Variants in SPATA6L observed in about 807,000 individuals in gnomAD.
SPATA6L encodes the protein spermatogenesis associated 6 like, also known as spermatogenesis associated 6-like protein.
A neutral mutation model predicts 49.2 loss-of-function variants in SPATA6L; 68 were observed. The observed-to-expected ratio is 1.38, with a 90% CI of 1.14 to 1.69. The LOEUF (loss-of-function observed/expected upper bound fraction) is 1.69. SPATA6L is among the 40% of genes most tolerant of loss of function. The pLI, the probability that SPATA6L is intolerant of heterozygous loss-of-function variation, is 0.00. For synonymous variants in SPATA6L, 198 were observed against 165.7 expected (o/e 1.19, Z -1.50); for missense variants, 668 against 464.3 (o/e 1.44, Z -4.03).
chr9:4,629,769 G>GTGTGTGTGTGTGTATATATATATATATA (rs1311805859), intron 4 of SPATA6L, among the ~76,000 whole-genome samples: 42 of 101,896 alleles, frequency 4.1e-4, no homozygotes, highest in African/African-American at 2.0e-3. Flanking sequence ...GTGTGTGTGT[G>GTGTGTGTGTGTGTATATATATATATATA]TATATATATA....
chr9:4,658,606 A>T (rs1270042402), intron 2 of SPATA6L, among the ~76,000 whole-genome samples: 2 of 152,096 alleles, frequency 1.3e-5, no homozygotes. Flanking sequence ...ACTCAGGCTC[A>T]CTCTTCTCTT....
At chr9:4,593,626 C>G (rs572123536), downstream of SPATA6L, among the ~76,000 whole-genome samples, 1 of 152,326 alleles carries the variant, frequency 6.6e-6, no homozygotes, top group Admixed American at 6.5e-5. Context: ...GCTTCCACAA[C>G]ATTCCTGAAA....
chr9:4,633,834 T>A (rs1253804061), intron 4 of SPATA6L: 1 of 152,156 alleles, frequency 6.6e-6, no homozygotes, highest in East Asian at 1.9e-4. Context: ...TGGGAATTGG[T>A]TTTATTTTGC....
chr9:4,622,006 A>T (rs1829417091), intron 7 of SPATA6L, among the ~76,000 whole-genome samples: 1 of 152,216 alleles, frequency 6.6e-6, no homozygotes, highest in Non-Finnish European at 1.5e-5. Flanking sequence ...TGTAAAGCAA[A>T]TGTTACATCT....
chr9:4,643,002 T>C (rs928744606), intron 3 of SPATA6L, among the ~76,000 whole-genome samples: 13 of 152,192 alleles, frequency 8.5e-5, no homozygotes, highest in African/African-American at 2.9e-4. Context: ...TAGGATAAAA[T>C]ATATTTTTAT....
At chr9:4,618,191 G>T in intron 8 of SPATA6L, 81 bp from the exon 9 acceptor site, 1 of 1,250,126 alleles carries the variant, frequency 8.0e-7, no homozygotes, top group Non-Finnish European at 1.1e-6. Context: ...GTTGGACAAG[G>T]AAGATAACTC....
chr9:4,626,720 C>G (rs1396035877), intron 5 of SPATA6L: 1 of 409,764 alleles, frequency 2.4e-6, no homozygotes, highest in Non-Finnish European at 4.3e-6. Flanking sequence ...GCTGATATAT[C>G]AGTTAAGTGC....
At position 4,638,763 on chromosome 9, in the gene SPATA6L, C is replaced by CTCTTT. The variant is rs531360522; in HGVS notation, c.227-3369_227-3365dup. On this transcript the variant is annotated intron_variant, in intron 3 of 11. Coordinates refer to ENST00000682582, the MANE Select transcript of SPATA6L (RefSeq NM_001353486.2). ...CTCCTGAAGCTTATAGTGTTAAGAA[C>CTCTTT]TCTTTTCTTTTCTTTTCTTTTCTTT... 4.2e-3 allele frequency among the ~76,000 whole-genome samples: 623 copies of CTCTTT among 149,140 alleles called. 1 individual carries two copies. Among genetic ancestry groups the CTCTTT allele is most frequent in the East Asian group, 9.4e-3 (48 of 5,080 alleles).
At chr9:4,633,568 A>G in intron 4 of SPATA6L, 1 of 191,564 alleles carries the variant, frequency 5.2e-6, no homozygotes, top group Admixed American at 4.9e-5. Flanking sequence ...GTGTCTCGTT[A>G]CTCCACATGT....
intron 9 of SPATA6L, among the ~76,000 whole-genome samples, chr9:4,606,310 C>T (rs1186513227): frequency 7.0e-6 from 1 of 143,228 alleles, no homozygotes; most frequent in Non-Finnish European, 1.5e-5. Context: ...CTCAAGGAGG[C>T]CTGCCTGCCT....
In SPATA6L at chr9:4,666,255, C is replaced by G; in HGVS notation, c.-5G>C. On this transcript the variant is annotated 5_prime_UTR_variant, in exon 1 of 12. Coordinates refer to ENST00000682582, the MANE Select transcript of SPATA6L (RefSeq NM_001353486.2). ...CACCACCACCTCCAGAGGCATCGTTCCCTGCGTGGGCGAAAGGACTGGAAT... is the reference window on the plus strand; with the variant it reads ...CACCACCACCTCCAGAGGCATCGTTGCCTGCGTGGGCGAAAGGACTGGAAT... 6.2e-7 allele frequency: 1 copy of G among 1,614,162 alleles called. No homozygotes were observed. The highest frequency in any genetic ancestry group is 8.5e-7 in the Non-Finnish European group (1 of 1,180,024).
rs200145061 is a variant in SPATA6L, at chr9:4,629,773, A to G, written c.352-605T>C. ...TTTATATATGTGTGTGTGTGTGTAT[A>G]TATATATATATATATATATATATAT... On this transcript the variant is annotated intron_variant, in intron 4 of 11. Transcript: ENST00000682582. 5.0e-3 allele frequency among the ~76,000 whole-genome samples: 577 copies of G among 115,302 alleles called. 8 individuals are homozygous for G. Among genetic ancestry groups the G allele is most frequent in the African/African-American group, 0.018 (485 of 27,244 alleles). 75.6% of individuals were successfully genotyped at this position (115,302 alleles called of 152,430 possible). A position where few individuals can be genotyped will look rare whatever the true frequency, so the allele number is the denominator to read the frequency against.
intron 9 of SPATA6L, among the ~76,000 whole-genome samples, chr9:4,613,074 A>C (rs1390393353): frequency 6.6e-6 from 1 of 151,888 alleles, no homozygotes; most frequent in Non-Finnish European, 1.5e-5. Context: ...CTAAAATACA[A>C]AAAATTAGCC....
chr9:4,657,338 A>C (rs1371511624), intron 2 of SPATA6L, among the ~76,000 whole-genome samples: 2 of 152,118 alleles, frequency 1.3e-5, no homozygotes. Flanking sequence ...ACCCATTGTT[A>C]TGGGTTGAAT....
Position 4,619,904 on chromosome 9 carries a change from AAT to A in SPATA6L, c.773-1008_773-1007del, listed in dbSNP as rs200803172. 2.7e-3 allele frequency among the ~76,000 whole-genome samples: 404 copies of A among 152,318 alleles called. 3 individuals are homozygous for A. Among genetic ancestry groups the A allele is most frequent in the Admixed American group, 5.7e-3 (87 of 15,300 alleles). On this transcript the variant is annotated intron_variant, in intron 7 of 11. Transcript: ENST00000682582. ...TTGGATTTTTCCAGGTTGATTAAAA[AAT>A]GTTTTTAAAATGAATATTTGTAAGG...
intron 3 of SPATA6L, among the ~76,000 whole-genome samples, chr9:4,640,212 C>A (rs4742035): frequency 6.6e-6 from 1 of 152,098 alleles, no homozygotes; most frequent in Non-Finnish European, 1.5e-5. Flanking sequence ...CACTGTGGAA[C>A]AGGATCACGC....
intron 9 of SPATA6L, among the ~76,000 whole-genome samples, chr9:4,611,785 A>G (rs1278184155): frequency 3.3e-5 from 5 of 151,600 alleles, no homozygotes; most frequent in Admixed American, 6.6e-5. Flanking sequence ...GTACCCTAAA[A>G]CTTAAAGTAT....
At chr9:4,616,825 TCC>T (rs1828130496) in intron 9 of SPATA6L, among the ~76,000 whole-genome samples, 2 of 152,178 alleles carry the variant, frequency 1.3e-5, no homozygotes, top group South Asian at 4.1e-4. Flanking sequence ...CCTCAGGTGA[TCC>T]ACCCACCTTG....
At chr9:4,607,233 C>T (rs1446170482) in intron 9 of SPATA6L, among the ~76,000 whole-genome samples, 5 of 152,128 alleles carry the variant, frequency 3.3e-5, no homozygotes, top group South Asian at 4.2e-4. Context: ...GGATATTATC[C>T]AGGAGAACTT....
Sources: allele counts gnomAD v4.1 joint callset (sites outside exome capture counted in the v4.1 genomes callset), GRCh38; gene constraint gnomAD v4.1.1; transcripts MANE v1.5; gene names NCBI Gene and HGNC (gene_info 2026-07-23, HGNC 2026-07-21).